SEMA3E: variants seen among roughly 807,000 people sequenced by gnomAD.
SEMA3E encodes semaphorin 3E, also known as semaphorin-3E.
SEMA3E carries 49 observed loss-of-function variants against 93.6 expected under a neutral mutation model. The observed-to-expected ratio is 0.52, with a 90% CI of 0.42 to 0.66. The LOEUF (loss-of-function observed/expected upper bound fraction) is 0.66. Among genes scored for constraint, SEMA3E ranks in the 30% least tolerant of loss-of-function variants. The pLI is 0.00. For synonymous variants in SEMA3E, 363 were observed against 330.7 expected, an observed-to-expected ratio of 1.10 and a Z score of -1.06; for missense variants, 906 against 964.8, an observed-to-expected ratio of 0.94 and a Z score of 0.81.
intron 1 of SEMA3E, among the ~76,000 whole-genome samples, chr7:83,615,282 A>G (rs1468611426): frequency 6.6e-6 from 1 of 152,142 alleles, no homozygotes; most frequent in Non-Finnish European, 1.5e-5. Context: ...TAATTCTAAA[A>G]TGTAAATATA....
At chr7:83,375,397 T>C (rs1197368975) in intron 16 of SEMA3E, among the ~76,000 whole-genome samples, 1 of 152,082 alleles carries the variant, frequency 6.6e-6, no homozygotes, top group Non-Finnish European at 1.5e-5. Context: ...CCATAATAAA[T>C]ACATTTCCTT....
chr7:83,484,724 G>A (rs1790218424), intron 2 of SEMA3E, among the ~76,000 whole-genome samples: 1 of 151,790 alleles, frequency 6.6e-6, no homozygotes, highest in African/African-American at 2.4e-5. Context: ...ATCATATCTG[G>A]CATTATAATA....
chr7:83,503,375 A>G (rs1159175467), intron 1 of SEMA3E, among the ~76,000 whole-genome samples: 1 of 152,204 alleles, frequency 6.6e-6, no homozygotes, highest in Non-Finnish European at 1.5e-5. Flanking sequence ...AGCCTGAAAT[A>G]AACTATACAA....
intron 1 of SEMA3E, among the ~76,000 whole-genome samples, chr7:83,550,291 A>T (rs879519308): frequency 5.3e-5 from 8 of 152,108 alleles, no homozygotes; most frequent in Non-Finnish European, 1.0e-4. Flanking sequence ...AATTGTTATG[A>T]TCTTACAATG....
At chr7:83,396,254 C>T (rs1274178954) in intron 12 of SEMA3E, among the ~76,000 whole-genome samples, 1 of 151,804 alleles carries the variant, frequency 6.6e-6, no homozygotes, top group African/African-American at 2.4e-5. Flanking sequence ...AATTAATGCA[C>T]TTAATAAAAA....
chr7:83,561,698 G>A (rs899905292), intron 1 of SEMA3E, among the ~76,000 whole-genome samples: 1 of 152,034 alleles, frequency 6.6e-6, no homozygotes, highest in African/African-American at 2.4e-5. Flanking sequence ...GCTGCATGAT[G>A]ACAAACTGAC....
intron 1 of SEMA3E, among the ~76,000 whole-genome samples, chr7:83,520,705 C>G (rs1242865726): frequency 6.6e-6 from 1 of 152,178 alleles, no homozygotes; most frequent in Non-Finnish European, 1.5e-5. Flanking sequence ...AATATGGAAA[C>G]TATTCACAGG....
chr7:83,436,063 T>TA (rs1788998304), intron 4 of SEMA3E, among the ~76,000 whole-genome samples: 1 of 152,134 alleles, frequency 6.6e-6, no homozygotes, highest in Non-Finnish European at 1.5e-5. Flanking sequence ...GTGGGGACCA[T>TA]AATATCAATA....
At chr7:83,620,928 C>A (rs1469101733) in intron 1 of SEMA3E, among the ~76,000 whole-genome samples, 1 of 152,066 alleles carries the variant, frequency 6.6e-6, no homozygotes, top group African/African-American at 2.4e-5. Flanking sequence ...CCCTTGAAAA[C>A]CAGCACAAGG....
At chr7:83,511,419 G>A (rs572514388) in intron 1 of SEMA3E, among the ~76,000 whole-genome samples, 1 of 151,922 alleles carries the variant, frequency 6.6e-6, no homozygotes, top group South Asian at 2.1e-4. Context: ...AATGATTACA[G>A]TCCTCTATTC....
chr7:83,457,295 C>G (rs1383934831), intron 4 of SEMA3E, among the ~76,000 whole-genome samples: 3 of 152,156 alleles, frequency 2.0e-5, no homozygotes, highest in African/African-American at 7.2e-5. Flanking sequence ...ATAATTCAGT[C>G]TATTCTGAGA....
intron 1 of SEMA3E, among the ~76,000 whole-genome samples, chr7:83,510,941 A>G (rs1790805144): frequency 6.6e-6 from 1 of 152,166 alleles, no homozygotes; most frequent in Admixed American, 6.5e-5. Flanking sequence ...TTTTTTTGTA[A>G]TGGCTAATCT....
intron 2 of SEMA3E, among the ~76,000 whole-genome samples, chr7:83,484,075 T>G (rs1322505119): frequency 6.6e-6 from 1 of 152,128 alleles, no homozygotes; most frequent in Non-Finnish European, 1.5e-5. Context: ...CCCTGCAACT[T>G]CAATCTTTCT....
chr7:83,386,987 A>G lies in SEMA3E; in HGVS notation c.1731T>C (p.Phe577=), dbSNP rs2116918974. The change falls in exon 15 of 17, where the codon TTT becomes TTC. Residue 577 remains phenylalanine, a synonymous_variant. Transcript: ENST00000643230. ...AACTGATTTTCTATGGATTACCAAC[A>G]AACTGTTGTCCAAAGCACTGCTGAG... ...NAAQQCFGQQ[F]VGDALDKTEE... 3.1e-6 allele frequency: 5 copies of G among 1,613,198 alleles called. No individual in the cohort carries two copies. The highest frequency in any genetic ancestry group is 4.2e-6 in the Non-Finnish European group (5 of 1,179,510).
chr7:83,485,873 A>G (rs1286943084), intron 2 of SEMA3E, among the ~76,000 whole-genome samples: 1 of 152,128 alleles, frequency 6.6e-6, no homozygotes, highest in Non-Finnish European at 1.5e-5. Flanking sequence ...GTTCTAATGA[A>G]TGTATGTTAT....
intron 2 of SEMA3E, among the ~76,000 whole-genome samples, chr7:83,471,584 A>G (rs532718481): frequency 5.3e-5 from 8 of 152,200 alleles, no homozygotes; most frequent in African/African-American, 1.9e-4. Flanking sequence ...CCTCATGTAC[A>G]AAACTCAAAA....
chr7:83,537,543 G>A (rs1483578747), intron 1 of SEMA3E, among the ~76,000 whole-genome samples: 2 of 152,076 alleles, frequency 1.3e-5, no homozygotes, highest in African/African-American at 4.8e-5. Flanking sequence ...GTATAGCTCT[G>A]GACAGCAAAG....
chr7:83,390,048 C>CGTATGT (rs1376524855), intron 14 of SEMA3E, among the ~76,000 whole-genome samples: 2 of 50,520 alleles, frequency 4.0e-5, no homozygotes, highest in East Asian at 9.7e-4. Context: ...CATATATGCG[C>CGTATGT]GTATACGTGT....
chr7:83,535,773 C>G (rs1035455701), intron 1 of SEMA3E, among the ~76,000 whole-genome samples: 8 of 151,966 alleles, frequency 5.3e-5, no homozygotes, highest in African/African-American at 1.9e-4. Flanking sequence ...AAGATCTTCA[C>G]CACATGCTTA....
Sources: allele counts gnomAD v4.1 joint callset (sites outside exome capture counted in the v4.1 genomes callset), GRCh38; gene constraint gnomAD v4.1.1; transcripts MANE v1.5; gene names NCBI Gene and HGNC (gene_info 2026-07-23, HGNC 2026-07-21).